SOX6: variants seen among roughly 807,000 people sequenced by gnomAD.
SOX6 encodes SRY-box transcription factor 6.
In SOX6, 11 loss-of-function variants were observed where a neutral mutation model predicts 97.8. The ratio of observed to expected loss-of-function variants is 0.11; its 90% CI spans 0.07 to 0.19. The LOEUF (loss-of-function observed/expected upper bound fraction) is 0.19. Among genes scored for constraint, SOX6 ranks in the 10% least tolerant of loss-of-function variants. The probability of loss-of-function intolerance (pLI) is 1.00; values close to 1 mark genes in which losing one functional copy is unlikely to be tolerated. For missense variants in SOX6, 810 were observed against 1,039.5 expected (o/e 0.78, Z 3.04); for synonymous variants, 360 against 371.4 (o/e 0.97, Z 0.35).
intron 9 of SOX6, among the ~76,000 whole-genome samples, chr11:16,092,704 T>G (rs1014423806): frequency 4.6e-5 from 7 of 151,900 alleles, no homozygotes; most frequent in African/African-American, 1.4e-4. Context: ...ACTTTGCATA[T>G]GGTACCAGAT....
At chr11:16,018,437 G>T (rs528757557) in intron 12 of SOX6, among the ~76,000 whole-genome samples, 1 of 151,750 alleles carries the variant, frequency 6.6e-6, no homozygotes, top group East Asian at 2.0e-4. Flanking sequence ...AAGAACAGAG[G>T]TTTGTTTTCA....
intron 12 of SOX6, among the ~76,000 whole-genome samples, chr11:16,015,939 G>A (rs1472770737): frequency 1.3e-5 from 2 of 152,042 alleles, no homozygotes; most frequent in East Asian, 1.9e-4. Flanking sequence ...TGTCATGTCA[G>A]CTTGAATTTA....
At chr11:16,262,583 A>C (rs1853936581) in intron 3 of SOX6, among the ~76,000 whole-genome samples, 1 of 152,078 alleles carries the variant, frequency 6.6e-6, no homozygotes, top group African/African-American at 2.4e-5. Flanking sequence ...CATACCAATA[A>C]ACTGTCACAA....
Position 15,988,988 on chromosome 11 carries a change from T to C in SOX6, c.1966+9A>G, listed in dbSNP as rs779385735. On this transcript the variant is annotated intron_variant, in intron 14 of 15. Transcript: ENST00000683767. ...AGAAGATCAGCTTTAGCTGCACTGC[T>C]GCACTCACCTAAGATTTTGCTAATG... is the stretch of plus-strand genomic sequence containing the variant. The C allele has an allele frequency of 1.2e-6, 2 of 1,612,152 alleles. No homozygotes were observed. Among genetic ancestry groups the C allele is most frequent in the Non-Finnish European group, 1.7e-6 (2 of 1,178,118 alleles).
rs77789881 is a variant in SOX6 at position 16,626,282 on chromosome 11, T to G, written n.430-14022A>C. 6.8e-3 allele frequency among the ~76,000 whole-genome samples: 1,032 copies of G among 152,326 alleles called. 16 individuals carry two copies. Among genetic ancestry groups the G allele is most frequent in the African/African-American group, 0.023 (938 of 41,576 alleles). ...AGCTCATTTTTTTTCCCCATACAGATAGCCAGTTGTTCTGACAGCATTTTT... is the reference window on the plus strand; with the variant it reads ...AGCTCATTTTTTTTCCCCATACAGAGAGCCAGTTGTTCTGACAGCATTTTT... On this transcript the variant is annotated intron_variant and non_coding_transcript_variant, in intron 3 of 5. Coordinates refer to the SOX6 transcript ENST00000524520.
In SOX6 at chr11:16,111,941, G is replaced by T; in HGVS notation, c.778-18C>A. ...CCCTGAACCTGCTAAACAGAAGAGAGCCTATGATCAGACAGGGAGCAAATG... is the reference window on the plus strand; with the variant it reads ...CCCTGAACCTGCTAAACAGAAGAGATCCTATGATCAGACAGGGAGCAAATG... On this transcript the variant is annotated intron_variant, in intron 6 of 15. Coordinates refer to ENST00000683767, the MANE Select transcript of SOX6 (RefSeq NM_001367873.1). 6.2e-7 allele frequency: 1 copy of T among 1,611,818 alleles called. No individual in the cohort carries two copies. Among genetic ancestry groups the T allele is most frequent in the Non-Finnish European group, 8.5e-7 (1 of 1,179,748 alleles).
intron 4 of SOX6, among the ~76,000 whole-genome samples, chr11:16,564,805 T>G (rs1847851829): frequency 6.6e-6 from 1 of 151,986 alleles, no homozygotes; most frequent in South Asian, 2.1e-4. Context: ...GAGGCATGGC[T>G]AAAGCAGTGC....
At chr11:16,426,862 C>T (rs1300500108) in intron 1 of SOX6, among the ~76,000 whole-genome samples, 1 of 126,508 alleles carries the variant, frequency 7.9e-6, no homozygotes, top group Admixed American at 1.0e-4. Context: ...TGCAGTGAGC[C>T]GAGATCCCGC....
At chr11:16,657,641 G>A (rs1050377699) in intron 3 of SOX6, among the ~76,000 whole-genome samples, 2 of 152,160 alleles carry the variant, frequency 1.3e-5, no homozygotes, top group Non-Finnish European at 1.5e-5. Context: ...TGTTTGTTGA[G>A]GTGGCTTGTT....
At chr11:16,087,262 C>A (rs1848598347) in intron 9 of SOX6, among the ~76,000 whole-genome samples, 1 of 152,038 alleles carries the variant, frequency 6.6e-6, no homozygotes, top group South Asian at 2.1e-4. Context: ...TATGTGTACA[C>A]ATATAATATT....
chr11:16,622,658 A>G (rs1384099432), intron 3 of SOX6, among the ~76,000 whole-genome samples: 1 of 152,150 alleles, frequency 6.6e-6, no homozygotes, highest in Non-Finnish European at 1.5e-5. Flanking sequence ...TTCTTTATCC[A>G]TTCATTGACT....
chr11:16,121,939 A>C (rs1849504242), intron 6 of SOX6, among the ~76,000 whole-genome samples: 4 of 152,030 alleles, frequency 2.6e-5, no homozygotes, highest in Admixed American at 2.0e-4. Context: ...ATTATTGTTA[A>C]GGTCTAGTAG....
chr11:16,471,725 T>C (rs1860145834), intron 1 of SOX6, among the ~76,000 whole-genome samples: 1 of 152,162 alleles, frequency 6.6e-6, no homozygotes, highest in Admixed American at 6.5e-5. Flanking sequence ...CCATGTTAAT[T>C]TCATCTGACT....
chr11:16,733,806 C>G (rs1032785979), intron 2 of SOX6, among the ~76,000 whole-genome samples: 5 of 150,118 alleles, frequency 3.3e-5, no homozygotes, highest in African/African-American at 1.2e-4. Flanking sequence ...GCGGGTGGAT[C>G]ACAGGGTCAG....
chr11:16,499,056 A>C (rs1019056632), intron 4 of SOX6, among the ~76,000 whole-genome samples: 1 of 152,202 alleles, frequency 6.6e-6, no homozygotes, highest in Non-Finnish European at 1.5e-5. Flanking sequence ...ACATAGTTGG[A>C]AGTAAAGCAC....
chr11:16,307,151 T>C (rs1017043711), intron 3 of SOX6, among the ~76,000 whole-genome samples: 2 of 152,296 alleles, frequency 1.3e-5, no homozygotes, highest in Non-Finnish European at 2.9e-5. Context: ...CAGAGTAATA[T>C]GTTAGGATTT....
intron 1 of SOX6, among the ~76,000 whole-genome samples, chr11:16,432,475 TA>T (rs1344083166): frequency 2.6e-5 from 4 of 152,114 alleles, no homozygotes; most frequent in Admixed American, 2.0e-4. Flanking sequence ...TAAAACAAAA[TA>T]AATTAAAAAG....
At chr11:16,218,217 CT>C (rs201519335) in intron 4 of SOX6, among the ~76,000 whole-genome samples, 2 of 151,816 alleles carry the variant, frequency 1.3e-5, no homozygotes, top group African/African-American at 4.8e-5. Context: ...GAAAGGGCCA[CT>C]TTTTTTTACT....
intron 6 of SOX6, among the ~76,000 whole-genome samples, chr11:16,153,453 C>T (rs990017802): frequency 6.6e-6 from 1 of 152,060 alleles, no homozygotes; most frequent in East Asian, 1.9e-4. Flanking sequence ...TTTTACTAAG[C>T]CTATCAAAAA....
Sources: gnomAD v4.1 joint callset for allele counts (sites outside exome capture counted in the v4.1 genomes callset) on GRCh38, gnomAD v4.1.1 for gene constraint, MANE v1.5 for transcripts, NCBI Gene and HGNC (gene_info 2026-07-23, HGNC 2026-07-21) for gene names.